Variants in EPB41 observed in about 807,000 individuals in gnomAD.
EPB41 encodes the protein erythrocyte membrane protein band 4.1.
In EPB41, 65 loss-of-function variants were observed where a neutral mutation model predicts 108.0. The ratio of observed to expected loss-of-function variants is 0.60; its 90% CI spans 0.49 to 0.74. The LOEUF is 0.74. Ranked by LOEUF, EPB41 falls within the 30% of genes least tolerant of loss-of-function variation. The pLI, the probability that EPB41 is intolerant of heterozygous loss-of-function variation, is 0.00. For synonymous variants in EPB41, 336 were observed against 358.9 expected (o/e 0.94, Z 0.72); for missense variants, 875 against 1,037.0 (o/e 0.84, Z 2.15).
intron 1 of EPB41, among the ~76,000 whole-genome samples, chr1:28,921,326 A>G (rs1438896513): frequency 2.0e-5 from 3 of 152,176 alleles, no homozygotes; most frequent in South Asian, 4.1e-4. Flanking sequence ...ACATATTTTA[A>G]TTTACCAATT....
intron 16 of EPB41, among the ~76,000 whole-genome samples, chr1:29,079,743 C>T (rs2151229405): frequency 6.6e-6 from 1 of 152,250 alleles, no homozygotes; most frequent in Admixed American, 6.5e-5. Flanking sequence ...ACCTGTAATC[C>T]CAACACTTTG....
intron 16 of EPB41, among the ~76,000 whole-genome samples, chr1:29,079,416 C>CGAAA (rs1655473127): frequency 7.0e-6 from 1 of 143,764 alleles, no homozygotes; most frequent in East Asian, 2.0e-4. Context: ...TAATTATTAC[C>CGAAA]TTTTTTTTTT....
chr1:29,053,864 T>A (rs1644929138), intron 12 of EPB41: 1 of 153,802 alleles, frequency 6.5e-6, no homozygotes, highest in Admixed American at 6.4e-5. Context: ...CGGCCCCAAC[T>A]ATTATTTTTT....
chr1:29,100,807 G>T (rs2151535905), intron 17 of EPB41, among the ~76,000 whole-genome samples: 1 of 149,004 alleles, frequency 6.7e-6, no homozygotes, highest in Non-Finnish European at 1.5e-5. Flanking sequence ...TGGCATAGCT[G>T]TAGTTGCAGC....
rs547645773 is a variant in EPB41 at position 29,010,221 on chromosome 1, C to A, written c.787-1644C>A. On this transcript the variant is annotated intron_variant, in intron 4 of 20. Coordinates refer to ENST00000343067, the MANE Select transcript of EPB41 (RefSeq NM_001376013.1). Reference sequence around the variant, plus strand: ...AGGCATGGTGGTGGTTGCCTGTAATCCCAGCTACTCGGGAGGCTGAGGCAG... The same window carrying A: ...AGGCATGGTGGTGGTTGCCTGTAATACCAGCTACTCGGGAGGCTGAGGCAG... 3.3e-5 allele frequency among the ~76,000 whole-genome samples: 5 copies of A among 152,230 alleles called. No individual in the cohort carries two copies. In the South Asian group the frequency reaches 1.0e-3, roughly 32 times the overall value.
intron 1 of EPB41, among the ~76,000 whole-genome samples, chr1:28,935,858 G>T (rs2094000903): frequency 6.6e-6 from 1 of 151,740 alleles, no homozygotes; most frequent in Admixed American, 6.6e-5. Flanking sequence ...ATCAGAGGTT[G>T]GAGTCAGCCG....
chr1:29,020,214 C>T (rs1394997901), intron 7 of EPB41, among the ~76,000 whole-genome samples: 19 of 151,646 alleles, frequency 1.3e-4, no homozygotes, highest in Admixed American at 1.3e-3. Flanking sequence ...ATTACAGGCG[C>T]CCACCAACAC....
Position 28,993,431 on chromosome 1 carries a change from A to G in EPB41, c.570A>G (p.Gln190=). Residue 190 remains glutamine, a synonymous_variant, in exon 3 of 21, where the codon CAA becomes CAG. Transcript: ENST00000343067. ...TAGAAGTAAAAGAAGAAAGCCCTCA[A>G]TCAAAAGCAGAAACAGAATTAAAAG... ...SKIEVKEESP[Q]SKAETELKAS... is the part of the protein sequence containing the mutation. The G allele has an allele frequency of 1.2e-6, 2 of 1,614,130 alleles. No homozygotes were observed. The highest frequency in any genetic ancestry group is 1.7e-6 in the Non-Finnish European group (2 of 1,180,016).
intron 1 of EPB41, among the ~76,000 whole-genome samples, chr1:28,970,238 A>G (rs1436213219): frequency 6.6e-6 from 1 of 152,216 alleles, no homozygotes; most frequent in Non-Finnish European, 1.5e-5. Flanking sequence ...AGTATCTGCT[A>G]AAACAATCCA....
upstream of EPB41, among the ~76,000 whole-genome samples, chr1:28,911,350 A>G (rs535491973): frequency 3.3e-5 from 5 of 152,334 alleles, no homozygotes; most frequent in South Asian, 1.0e-3. Context: ...GCCTGAGTCA[A>G]TGGATTATGG....
chr1:28,949,258 A>G (rs1355090939), intron 1 of EPB41, among the ~76,000 whole-genome samples: 3 of 152,208 alleles, frequency 2.0e-5, no homozygotes, highest in African/African-American at 7.2e-5. Context: ...AGCTTGGGCA[A>G]TATAGTGAGA....
chr1:28,973,158 T>C (rs1340958659), intron 1 of EPB41, among the ~76,000 whole-genome samples: 3 of 152,134 alleles, frequency 2.0e-5, no homozygotes, highest in Non-Finnish European at 2.9e-5. Context: ...CTTGAACATA[T>C]TTTCTTTCTG....
chr1:28,993,631 C>G (rs2096076267), intron 3 of EPB41, 89 bp downstream of exon 3: 4 of 1,081,780 alleles, frequency 3.7e-6, no homozygotes, highest in Non-Finnish European at 4.2e-6. Flanking sequence ...CACGATAAGA[C>G]TCACTGTAGT....
chr1:28,974,292 A>G (rs1423065857), intron 1 of EPB41, among the ~76,000 whole-genome samples: 1 of 152,206 alleles, frequency 6.6e-6, no homozygotes, highest in African/African-American at 2.4e-5. Flanking sequence ...ACTACTTAGC[A>G]TAGGAATGCT....
At position 28,914,739 on chromosome 1, in the gene EPB41, G is replaced by C; in HGVS notation, c.-37G>C. On this transcript the variant is annotated 5_prime_UTR_variant, in exon 1 of 21. Coordinates refer to ENST00000343067, the MANE Select transcript of EPB41 (RefSeq NM_001376013.1). ...TTGTTCGTCGGGCTGCAGCAGTGGC[G>C]GGCGCAGGAGCCCGGCCCCGGAGCC... 6.5e-6 allele frequency: 1 copy of C among 152,960 alleles called. No homozygotes were observed. Among genetic ancestry groups the C allele is most frequent in the South Asian group, 1.8e-4 (1 of 5,602 alleles). The allele number at this position is 152,960 out of a possible 1,614,324, so 9.5% of individuals were successfully genotyped here. A position where few individuals can be genotyped will look rare whatever the true frequency, so the allele number is the denominator to read the frequency against.
chr1:28,986,499 G>A (rs960975626), intron 1 of EPB41, among the ~76,000 whole-genome samples: 13 of 152,172 alleles, frequency 8.5e-5, no homozygotes, highest in African/African-American at 3.1e-4. Context: ...TCCCCTACGA[G>A]TGAATCAACA....
intron 14 of EPB41, 90 bp downstream of exon 14, chr1:29,058,942 C>A (rs1646028877): frequency 8.5e-7 from 1 of 1,174,684 alleles, no homozygotes; most frequent in South Asian, 1.4e-5. Context: ...CCATTCTTTT[C>A]ATTGATTTCT....
intron 16 of EPB41, among the ~76,000 whole-genome samples, chr1:29,089,866 A>G (rs1279464091): frequency 6.6e-6 from 1 of 152,168 alleles, no homozygotes; most frequent in Admixed American, 6.6e-5. Flanking sequence ...GCAGCATAAT[A>G]GAGGACACGT....
chr1:29,087,918 C>A (rs1659752631), intron 16 of EPB41, among the ~76,000 whole-genome samples: 1 of 151,892 alleles, frequency 6.6e-6, no homozygotes, highest in Admixed American at 6.6e-5. Flanking sequence ...TGTTTCTGTT[C>A]AGTTAAATAT....
Sources: gnomAD v4.1 joint callset for allele counts (sites outside exome capture counted in the v4.1 genomes callset) on GRCh38, gnomAD v4.1.1 for gene constraint, MANE v1.5 for transcripts, NCBI Gene and HGNC (gene_info 2026-07-23, HGNC 2026-07-21) for gene names.